MEIS2: variants seen among roughly 807,000 people sequenced by gnomAD.
MEIS2 encodes homeobox protein Meis2.
MEIS2 carries 9 observed loss-of-function variants against 58.6 expected under a neutral mutation model. The observed-to-expected ratio is 0.15, with a 90% CI of 0.09 to 0.27. The LOEUF (loss-of-function observed/expected upper bound fraction) is 0.27, where lower values mean the gene tolerates loss of function less well. Ranked by LOEUF, MEIS2 falls within the 10% of genes least tolerant of loss-of-function variation. The pLI, the probability that MEIS2 is intolerant of heterozygous loss-of-function variation, is 1.00. For synonymous variants in MEIS2, 221 were observed against 228.4 expected (o/e 0.97, Z 0.29); for missense variants, 427 against 635.0 (o/e 0.67, Z 3.52).
At chr15:36,971,088 C>T (rs1595840016) in intron 8 of MEIS2, among the ~76,000 whole-genome samples, 2 of 149,444 alleles carry the variant, frequency 1.3e-5, no homozygotes, top group South Asian at 4.2e-4. Flanking sequence ...AATAAAATTG[C>T]TGTGGTGGTG....
intron 8 of MEIS2, among the ~76,000 whole-genome samples, chr15:36,997,340 T>G (rs188076309): frequency 2.6e-5 from 4 of 152,330 alleles, no homozygotes; most frequent in Non-Finnish European, 2.9e-5. Context: ...CAAACTGAAC[T>G]GCTTTCCACC....
intron 8 of MEIS2, among the ~76,000 whole-genome samples, chr15:36,961,429 A>C (rs1482909657): frequency 6.6e-6 from 1 of 152,144 alleles, no homozygotes; most frequent in Non-Finnish European, 1.5e-5. Flanking sequence ...TTAAATACTA[A>C]AATATCAAAC....
At chr15:36,973,512 AG>A (rs2059638424) in intron 8 of MEIS2, among the ~76,000 whole-genome samples, 1 of 152,236 alleles carries the variant, frequency 6.6e-6, no homozygotes, top group Non-Finnish European at 1.5e-5. Flanking sequence ...TATAGAATAA[AG>A]AGCCTGGAAC....
intron 7 of MEIS2, among the ~76,000 whole-genome samples, chr15:37,038,068 C>T (rs1006254949): frequency 5.3e-5 from 8 of 152,142 alleles, no homozygotes; most frequent in Non-Finnish European, 1.0e-4. Context: ...GTTTAAGAAG[C>T]CAGGGTCCTG....
intron 8 of MEIS2, among the ~76,000 whole-genome samples, chr15:36,955,655 T>C (rs1366861998): frequency 6.6e-6 from 1 of 152,030 alleles, no homozygotes; most frequent in African/African-American, 2.4e-5. Flanking sequence ...CTGACAAACA[T>C]ATACACAACC....
At chr15:36,895,480 A>AG (rs1229521860) in intron 10 of MEIS2, among the ~76,000 whole-genome samples, 1 of 152,158 alleles carries the variant, frequency 6.6e-6, no homozygotes, top group African/African-American at 2.4e-5. Context: ...CCAGTTTCCC[A>AG]GGGGGTTCGT....
chr15:37,057,334 C>T (rs1888570191), intron 7 of MEIS2, among the ~76,000 whole-genome samples: 1 of 152,172 alleles, frequency 6.6e-6, no homozygotes, highest in African/African-American at 2.4e-5. Flanking sequence ...AGTGCTGATC[C>T]AATGAACAGA....
chr15:37,087,690 A>C lies in MEIS2; in HGVS notation c.640-3805T>G, dbSNP rs926458391. On this transcript the variant is annotated intron_variant, in intron 6 of 11. Coordinates refer to ENST00000561208, the MANE Select transcript of MEIS2 (RefSeq NM_170675.5). ...ACAGGAGTCTCTGGGCATAGGAAGC[A>C]AATCATATGTGTGCCTCTCTTGTTG... is the stretch of plus-strand genomic sequence containing the variant. Among the ~76,000 whole-genome samples, 7 of 152,214 alleles carry C rather than the reference A, an allele frequency of 4.6e-5. No individual in the cohort carries two copies. In the East Asian group the frequency reaches 1.3e-3, roughly 29 times the overall value.
intron 9 of MEIS2, among the ~76,000 whole-genome samples, chr15:36,941,198 A>T (rs1316962231): frequency 6.6e-6 from 1 of 152,190 alleles, no homozygotes; most frequent in East Asian, 1.9e-4. Context: ...TTAGTAACTC[A>T]CGGCTAAGAA....
At chr15:37,049,217 C>T (rs2062804322) in intron 7 of MEIS2, among the ~76,000 whole-genome samples, 1 of 152,058 alleles carries the variant, frequency 6.6e-6, no homozygotes, top group Admixed American at 6.5e-5. Context: ...TCTAGGATAG[C>T]ACAAGTTGAT....
In MEIS2 at chr15:36,892,408, A is replaced by T; in HGVS notation, c.1199T>A (p.Met400Lys). ...DYVSQGGPMG[M>K]SMAQPSYTPP... Reference sequence around the variant, plus strand: ...AGTGTAACTTGGCTGTGCCATACTCATTCCCATAGGACCACCCTGAGAAAC... The same window carrying T: ...AGTGTAACTTGGCTGTGCCATACTCTTTCCCATAGGACCACCCTGAGAAAC... The change falls in exon 12 of 12, where the codon ATG (methionine) becomes AAG (lysine). Residue 400 changes from methionine to lysine, a missense_variant. Met to Lys is a moderately conservative substitution (Grantham distance 95). This residue lies in a region of MEIS2 where 154 missense variants were observed against 148.1 expected (regional missense o/e 1.04). Transcript: ENST00000561208. The T allele has an allele frequency of 6.2e-7, 1 of 1,613,994 alleles. No individual in the cohort carries two copies.
intron 8 of MEIS2, among the ~76,000 whole-genome samples, chr15:36,956,167 C>T (rs1481168234): frequency 8.0e-6 from 1 of 125,186 alleles, no homozygotes; most frequent in African/African-American, 3.1e-5. Flanking sequence ...CCAGCCTGGG[C>T]GACAGAGCAA....
At chr15:37,021,036 C>T (rs561050718) in intron 8 of MEIS2, among the ~76,000 whole-genome samples, 10 of 152,246 alleles carry the variant, frequency 6.6e-5, no homozygotes, top group African/African-American at 2.4e-4. Flanking sequence ...AGAGCCCTCA[C>T]CCAACAATAA....
At chr15:37,042,115 C>T (rs2062450114) in intron 7 of MEIS2, among the ~76,000 whole-genome samples, 1 of 152,170 alleles carries the variant, frequency 6.6e-6, no homozygotes, top group Non-Finnish European at 1.5e-5. Flanking sequence ...TGCACCACTG[C>T]ACTCTCGCCT....
At chr15:37,053,184 G>A (rs1023840742) in intron 7 of MEIS2, among the ~76,000 whole-genome samples, 3 of 152,190 alleles carry the variant, frequency 2.0e-5, no homozygotes, top group East Asian at 3.8e-4. Flanking sequence ...TTTGCTGTAA[G>A]ATCAGACCTA....
intron 1 of MEIS2, 102 bp downstream of exon 1, chr15:37,099,353 C>A: frequency 1.3e-6 from 2 of 1,567,276 alleles, no homozygotes; most frequent in Non-Finnish European, 8.6e-7. Flanking sequence ...CATCATCAAG[C>A]AGCGAGCAGC....
At chr15:36,918,846 C>A (rs1567050864) in intron 9 of MEIS2, among the ~76,000 whole-genome samples, 1 of 152,162 alleles carries the variant, frequency 6.6e-6, no homozygotes, top group Non-Finnish European at 1.5e-5. Context: ...AGGTACCGGA[C>A]TGAAGTTAGG....
intron 8 of MEIS2, among the ~76,000 whole-genome samples, chr15:37,026,816 T>A (rs1252709463): frequency 6.6e-6 from 1 of 152,222 alleles, no homozygotes; most frequent in Non-Finnish European, 1.5e-5. Context: ...ATTCATGTTA[T>A]CTATTATAAC....
At chr15:37,099,321 T>G in intron 1 of MEIS2, 134 bp downstream of exon 1, 1 of 1,559,304 alleles carries the variant, frequency 6.4e-7, no homozygotes, top group African/African-American at 1.4e-5. Context: ...ATAATTTTGC[T>G]ATTTTTTAAA....
Sources: gnomAD v4.1 joint callset for allele counts (sites outside exome capture counted in the v4.1 genomes callset) on GRCh38, gnomAD v4.1.1 for gene constraint, gnomAD v4.1.1 regional missense constraint, MANE v1.5 for transcripts, NCBI Gene and HGNC (gene_info 2026-07-23, HGNC 2026-07-21) for gene names.